The following SEMA5B variants were observed in gnomAD, a reference collection of about 807,000 sequenced individuals.
SEMA5B encodes semaphorin 5B.
A neutral mutation model predicts 135.0 loss-of-function variants in SEMA5B; 66 were observed. The ratio of observed to expected loss-of-function variants is 0.49; its 90% CI spans 0.40 to 0.60. The LOEUF is 0.60. SEMA5B is among the 20% of genes least tolerant of loss of function. The pLI, the probability that SEMA5B is intolerant of heterozygous loss-of-function variation, is 0.00. For synonymous variants in SEMA5B, 690 were observed against 639.5 expected (o/e 1.08, Z -1.19); for missense variants, 1,501 against 1,566.3 (o/e 0.96, Z 0.70).
intron 1 of SEMA5B, among the ~76,000 whole-genome samples, chr3:123,003,857 T>C (rs890211641): frequency 1.4e-5 from 2 of 146,692 alleles, no homozygotes; most frequent in Non-Finnish European, 3.0e-5. Context: ...AATAAATAAA[T>C]AATAATAATA....
intron 1 of SEMA5B, among the ~76,000 whole-genome samples, chr3:122,985,308 T>C (rs1419265651): frequency 6.6e-6 from 1 of 151,976 alleles, no homozygotes; most frequent in Non-Finnish European, 1.5e-5. Context: ...GCCTGGGCAA[T>C]ATAGCAAGAC....
At chr3:122,966,615 C>T (rs1204333863) in intron 1 of SEMA5B, among the ~76,000 whole-genome samples, 8 of 149,740 alleles carry the variant, frequency 5.3e-5, no homozygotes, top group Non-Finnish European at 1.0e-4. Context: ...AGTGCAGTGG[C>T]GTGATCTCAG....
At chr3:122,930,812 T>C (rs1938931153) in intron 5 of SEMA5B, among the ~76,000 whole-genome samples, 2 of 152,176 alleles carry the variant, frequency 1.3e-5, no homozygotes, top group African/African-American at 2.4e-5. Flanking sequence ...GGAAGAACAC[T>C]AAAGTCCAGA....
chr3:122,961,398 G>GGTTGC (rs1442219621), intron 1 of SEMA5B, 97 bp from the exon 2 acceptor site: 22 of 1,063,236 alleles, frequency 2.1e-5, no homozygotes, highest in Non-Finnish European at 3.0e-5. Flanking sequence ...GGGACCACAT[G>GGTTGC]GTTGCTGCTG....
intron 9 of SEMA5B, among the ~76,000 whole-genome samples, chr3:122,925,634 C>T (rs981605625): frequency 5.4e-4 from 82 of 151,846 alleles, no homozygotes; most frequent in African/African-American, 1.7e-3. Flanking sequence ...TGCCCCACTG[C>T]GCTCCAGCCT....
intron 18 of SEMA5B, 141 bp from the exon 19 acceptor site, chr3:122,912,483 C>A: frequency 1.3e-6 from 1 of 789,444 alleles, no homozygotes; most frequent in East Asian, 2.8e-5. Flanking sequence ...ACCCAACAGT[C>A]CACTGTTAGG....
In SEMA5B at chr3:122,915,641, A is replaced by G. The variant is rs1938032858; in HGVS notation, c.1807-20T>C. 1.9e-6 allele frequency: 3 copies of G among 1,604,800 alleles called. No individual in the cohort carries two copies. Among genetic ancestry groups the G allele is most frequent in the Admixed American group, 1.7e-5 (1 of 59,690 alleles). Reference sequence around the variant, plus strand: ...CCGCACCTGAAGACACACATGGGAGACAGTACCCCTATTACCCAAGCCAAG... The same window carrying G: ...CCGCACCTGAAGACACACATGGGAGGCAGTACCCCTATTACCCAAGCCAAG... On this transcript the variant is annotated intron_variant, in intron 13 of 22. Transcript: ENST00000357599.
At chr3:122,929,183 C>T (rs949323568) in intron 5 of SEMA5B, 125 bp from the exon 6 acceptor site, 23 of 872,354 alleles carry the variant, frequency 2.6e-5, no homozygotes, top group Non-Finnish European at 4.2e-5. Flanking sequence ...GGCTGGTCTG[C>T]AGGGTGAGGG....
intron 3 of SEMA5B, among the ~76,000 whole-genome samples, chr3:122,945,095 C>T (rs1478289122): frequency 2.6e-5 from 4 of 152,180 alleles, no homozygotes; most frequent in Non-Finnish European, 5.9e-5. Flanking sequence ...AGCAGCCCTT[C>T]ATTTCTGCAC....
chr3:122,943,135 G>A (rs891106116), intron 4 of SEMA5B, among the ~76,000 whole-genome samples: 44 of 152,144 alleles, frequency 2.9e-4, no homozygotes, highest in African/African-American at 9.4e-4. Flanking sequence ...TCTGACAGCC[G>A]GGCAGGGACC....
intron 1 of SEMA5B, among the ~76,000 whole-genome samples, chr3:122,999,387 C>T (rs939684544): frequency 5.3e-5 from 8 of 152,114 alleles, no homozygotes; most frequent in Admixed American, 3.3e-4. Context: ...TGACCATGCC[C>T]GGCTGATTTG....
chr3:122,987,417 G>T (rs1003536395), intron 1 of SEMA5B, among the ~76,000 whole-genome samples: 1 of 152,196 alleles, frequency 6.6e-6, no homozygotes, highest in Admixed American at 6.5e-5. Flanking sequence ...CCTGCTATCA[G>T]CACCCCACTG....
chr3:122,985,372 C>T (rs1448527139), intron 1 of SEMA5B, among the ~76,000 whole-genome samples: 1 of 152,064 alleles, frequency 6.6e-6, no homozygotes, highest in East Asian at 1.9e-4. Context: ...GCAGGTTGCA[C>T]TTGCCTGTAG....
At chr3:122,923,812 A>G in intron 9 of SEMA5B, 60 bp from the exon 10 acceptor site, 1 of 1,595,492 alleles carries the variant, frequency 6.3e-7, no homozygotes, top group Non-Finnish European at 8.6e-7. Flanking sequence ...CCCTCCTCAT[A>G]AACCCCACAG....
chr3:122,939,205 T>C (rs112074217), intron 5 of SEMA5B, among the ~76,000 whole-genome samples: 1 of 152,252 alleles, frequency 6.6e-6, no homozygotes, highest in East Asian at 1.9e-4. Context: ...GCAAGAGCCT[T>C]GTGTGCCTCT....
intron 1 of SEMA5B, among the ~76,000 whole-genome samples, chr3:123,021,350 C>A (rs1458161479): frequency 1.3e-5 from 2 of 152,154 alleles, no homozygotes; most frequent in African/African-American, 2.4e-5. Flanking sequence ...CCCCCAGGCG[C>A]CTTGAGGGAA....
At chr3:122,927,249 C>T (rs78665934) in intron 8 of SEMA5B, among the ~76,000 whole-genome samples, 10,796 of 152,228 alleles carry the variant, frequency 0.071, 423 homozygotes, top group Middle Eastern at 0.15. Context: ...TTCAGGGATG[C>T]GATCATAGCT....
At chr3:122,919,225 C>T (rs1013981491) in intron 12 of SEMA5B, among the ~76,000 whole-genome samples, 11 of 151,976 alleles carry the variant, frequency 7.2e-5, no homozygotes, top group Admixed American at 2.6e-4. Flanking sequence ...CTTCCCTGTG[C>T]TCATGGGGCA....
chr3:122,916,790 G>A (rs923437977), intron 12 of SEMA5B, among the ~76,000 whole-genome samples: 1 of 152,092 alleles, frequency 6.6e-6, no homozygotes, highest in Non-Finnish European at 1.5e-5. Flanking sequence ...AGGAATCAGA[G>A]TCTAGTGCTT....
Sources: gnomAD v4.1 joint callset for allele counts (sites outside exome capture counted in the v4.1 genomes callset) on GRCh38, gnomAD v4.1.1 for gene constraint, MANE v1.5 for transcripts, NCBI Gene and HGNC (gene_info 2026-07-23, HGNC 2026-07-21) for gene names.